The following KIF27 variants were observed in gnomAD, a reference collection of about 807,000 sequenced individuals.
The protein encoded by KIF27 is kinesin-like protein KIF27.
Under a neutral mutation model 141.8 loss-of-function variants are expected in KIF27, and 84 were observed. The observed-to-expected ratio is 0.59, with a 90% CI of 0.50 to 0.71. The LOEUF is 0.71. Among genes scored for constraint, KIF27 ranks in the 30% least tolerant of loss-of-function variants. KIF27 has a pLI of 0.00. For synonymous variants in KIF27, 471 were observed against 569.5 expected (o/e 0.83, Z 2.46); for missense variants, 1,306 against 1,628.4 (o/e 0.80, Z 3.41).
At chr9:83,909,843 G>A (rs79066268) in intron 2 of KIF27, among the ~76,000 whole-genome samples, 5 of 151,984 alleles carry the variant, frequency 3.3e-5, no homozygotes, top group African/African-American at 9.7e-5. Flanking sequence ...TGGGTGGACC[G>A]CTTGAGCTAA....
At chr9:83,863,963 T>C (rs2131945094) in intron 13 of KIF27, 1 of 152,342 alleles carries the variant, frequency 6.6e-6, no homozygotes, top group Non-Finnish European at 1.5e-5. Context: ...TTTATTTGCA[T>C]AGAGGTGTTT....
intron 7 of KIF27, 108 bp downstream of exon 7, chr9:83,888,976 C>G (rs568154608): frequency 8.1e-5 from 108 of 1,329,520 alleles, no homozygotes; most frequent in African/African-American, 2.6e-4. Flanking sequence ...GTTACCTACT[C>G]TTCTATTAAA....
At chr9:83,856,950 T>C (rs1949289095) in intron 14 of KIF27, among the ~76,000 whole-genome samples, 1 of 149,910 alleles carries the variant, frequency 6.7e-6, no homozygotes. Context: ...AAATGAGAAA[T>C]TAAAAGTTTA....
intron 4 of KIF27, 38 bp from the exon 5 acceptor site, chr9:83,899,842 G>A: frequency 1.3e-6 from 2 of 1,562,318 alleles, no homozygotes; most frequent in East Asian, 4.5e-5. Context: ...ATTCACCACA[G>A]AAAATAATCA....
chr9:83,907,389 A>T lies in KIF27; in HGVS notation c.499+1063T>A, dbSNP rs150089706. ...TGGAAGGAAACCCACCAAAAAGAGAAGTTGGTATTTCTAGGCGCTAGGATT... is the reference window on the plus strand; with the variant it reads ...TGGAAGGAAACCCACCAAAAAGAGATGTTGGTATTTCTAGGCGCTAGGATT... On this transcript the variant is annotated intron_variant, in intron 3 of 17. Coordinates refer to ENST00000297814, the MANE Select transcript of KIF27 (RefSeq NM_017576.4). Among the ~76,000 whole-genome samples, 921 of 151,504 alleles carry T rather than the reference A, an allele frequency of 6.1e-3. 10 individuals carry two copies. Among genetic ancestry groups the T allele is most frequent in the African/African-American group, 0.021 (874 of 41,428 alleles).
At chr9:83,906,524 T>C (rs1954554578) in intron 3 of KIF27, among the ~76,000 whole-genome samples, 1 of 151,922 alleles carries the variant, frequency 6.6e-6, no homozygotes, top group Non-Finnish European at 1.5e-5. Context: ...GCAGATCTCT[T>C]GAGCCCAAGA....
intron 16 of KIF27, among the ~76,000 whole-genome samples, chr9:83,845,501 G>A (rs1717355097): frequency 6.6e-6 from 1 of 152,182 alleles, no homozygotes; most frequent in East Asian, 1.9e-4. Flanking sequence ...TGCACCGATG[G>A]CCTCATGGGG....
chr9:83,870,592 G>A lies in KIF27; in HGVS notation c.2684C>T (p.Pro895Leu), dbSNP rs777539862. 1.9e-5 allele frequency: 30 copies of A among 1,613,518 alleles called. No homozygotes were observed. The highest frequency in any genetic ancestry group is 2.3e-5 in the Non-Finnish European group (27 of 1,179,838). ...ACATGCATCAAGGTCCTCAGCTTTC[G>A]GTTTTAGACCTTCTTCCTGTCCTGT... ...LKTGQEEGLK[P>L]KAEDLDACNL... is the part of the protein sequence containing the mutation. Residue 895 changes from proline to leucine, a missense_variant, in exon 12 of 18, where the codon CCG becomes CTG. Transcript: ENST00000297814.
At chr9:83,845,621 C>T (rs1046726074) in intron 16 of KIF27, among the ~76,000 whole-genome samples, 1 of 152,216 alleles carries the variant, frequency 6.6e-6, no homozygotes, top group Non-Finnish European at 1.5e-5. Flanking sequence ...GGCACTACAG[C>T]CCCTTTCTAG....
At chr9:83,844,838 A>G (rs1947049811) in intron 16 of KIF27, among the ~76,000 whole-genome samples, 1 of 152,184 alleles carries the variant, frequency 6.6e-6, no homozygotes, top group African/African-American at 2.4e-5. Flanking sequence ...GTGAAGGATA[A>G]GTTGCTACAT....
Position 83,889,248 on chromosome 9 carries a change from G to A in KIF27, c.1815C>T (p.His605=), listed in dbSNP as rs766013895. Reference sequence around the variant, plus strand: ...CCAGAGAGTACATAGGCGGACTTGTGTGGACCTTGCAAGTGATTCCCCCAC... The same window carrying A: ...CCAGAGAGTACATAGGCGGACTTGTATGGACCTTGCAAGTGATTCCCCCAC... ...IPSRQDSRKV[H]TSPPMYSLDR... is the part of the protein sequence containing the mutation. The change falls in exon 7 of 18, where the codon CAC becomes CAT. Residue 605 remains histidine, a synonymous_variant. Coordinates refer to ENST00000297814, the MANE Select transcript of KIF27 (RefSeq NM_017576.4). 11 of 1,597,388 alleles carry A rather than the reference G, an allele frequency of 6.9e-6. No homozygotes were observed. Among genetic ancestry groups the A allele is most frequent in the Non-Finnish European group, 9.4e-6 (11 of 1,170,926 alleles).
At chr9:83,887,223 CTA>C (rs1351878246) in intron 8 of KIF27, 27 bp from the exon 9 acceptor site, 1 of 1,390,076 alleles carries the variant, frequency 7.2e-7, no homozygotes. Context: ...AGAAATAAAA[CTA>C]TCTGCTGGTA....
At chr9:83,856,404 C>T (rs1244274645) in intron 14 of KIF27, among the ~76,000 whole-genome samples, 3 of 151,552 alleles carry the variant, frequency 2.0e-5, no homozygotes, top group Non-Finnish European at 4.4e-5. Flanking sequence ...GTCAGGAGTT[C>T]GAGACCAGCC....
At position 83,903,330 on chromosome 9, in the gene KIF27, A is replaced by T; in HGVS notation, c.1188T>A (p.Ser396=). ...EGSPDTNRIH[S]LEEQVAQLQG... ...GAAGCTGAGCTACTTGCTCCTCAAG[A>T]GAATGAATCCTATTTGTATCAGGAC... Residue 396 remains serine, a synonymous_variant, in exon 4 of 18, where the codon TCT becomes TCA. Coordinates refer to ENST00000297814, the MANE Select transcript of KIF27 (RefSeq NM_017576.4). 6.2e-7 allele frequency: 1 copy of T among 1,614,226 alleles called. No individual in the cohort carries two copies. The highest frequency in any genetic ancestry group is 8.5e-7 in the Non-Finnish European group (1 of 1,180,038).
chr9:83,847,074 A>G (rs2780142), intron 16 of KIF27, among the ~76,000 whole-genome samples: 107,151 of 152,102 alleles, frequency 0.7, 39,413 homozygotes, highest in African/African-American at 0.92. Context: ...ATCCAGTCAC[A>G]ACTAAAAATG....
intron 2 of KIF27, among the ~76,000 whole-genome samples, chr9:83,913,092 A>G (rs535515965): frequency 1.2e-4 from 18 of 152,132 alleles, no homozygotes; most frequent in Non-Finnish European, 1.6e-4. Context: ...GTAAGCCCAG[A>G]AGGTTGAGGC....
chr9:83,867,920 T>A, intron 12 of KIF27, 60 bp from the exon 13 acceptor site: 1 of 1,453,564 alleles, frequency 6.9e-7, no homozygotes. Context: ...AATTATATGG[T>A]AATAATAGAA....
At chr9:83,874,047 G>T (rs1423183581) in intron 11 of KIF27, among the ~76,000 whole-genome samples, 1 of 112,590 alleles carries the variant, frequency 8.9e-6, no homozygotes. Context: ...GAGAGACTCC[G>T]TGTCAAAAAA....
intron 11 of KIF27, 122 bp downstream of exon 11, chr9:83,880,175 C>T: frequency 7.1e-7 from 1 of 1,402,614 alleles, no homozygotes; most frequent in Non-Finnish European, 9.8e-7. Context: ...ATAAGGACAG[C>T]AGTGAAGGGC....
Sources: allele counts gnomAD v4.1 joint callset (sites outside exome capture counted in the v4.1 genomes callset), GRCh38; gene constraint gnomAD v4.1.1; transcripts MANE v1.5; gene names NCBI Gene and HGNC (gene_info 2026-07-23, HGNC 2026-07-21).